The following CYRIB variants were observed in gnomAD, a reference collection of about 807,000 sequenced individuals.
The protein encoded by CYRIB is CYFIP-related Rac1 interactor B.
CYRIB carries 8 observed loss-of-function variants against 44.2 expected under a neutral mutation model. The observed-to-expected ratio is 0.18, with a 90% CI of 0.11 to 0.33. CYRIB has a LOEUF of 0.33. Among genes scored for constraint, CYRIB ranks in the 10% least tolerant of loss-of-function variants. CYRIB has a pLI of 1.00. For synonymous variants in CYRIB, 131 were observed against 127.2 expected (o/e 1.03, Z -0.20); for missense variants, 185 against 382.8 (o/e 0.48, Z 4.31).
chr8:129,981,993 T>C (rs1006671388), intron 1 of CYRIB, among the ~76,000 whole-genome samples: 1 of 152,234 alleles, frequency 6.6e-6, no homozygotes, highest in East Asian at 1.9e-4. Context: ...CCTCTTTGTG[T>C]CCTGGTACTG....
chr8:129,895,006 C>T (rs1025410301), intron 2 of CYRIB, among the ~76,000 whole-genome samples: 8 of 149,644 alleles, frequency 5.3e-5, no homozygotes, highest in Admixed American at 1.3e-4. Context: ...GGTGTGCTCA[C>T]GGCTCACTGC....
chr8:129,874,647 AC>A (rs749979914), intron 3 of CYRIB, among the ~76,000 whole-genome samples: 2 of 152,134 alleles, frequency 1.3e-5, no homozygotes, highest in Non-Finnish European at 2.9e-5. Context: ...ATGAGAGGGT[AC>A]AGAGACATAA....
At chr8:129,882,838 T>A (rs139201455) in intron 2 of CYRIB, among the ~76,000 whole-genome samples, 1 of 152,258 alleles carries the variant, frequency 6.6e-6, no homozygotes, top group Non-Finnish European at 1.5e-5. Context: ...GGTCCTGACC[T>A]ATTTGCTCTC....
intron 1 of CYRIB, among the ~76,000 whole-genome samples, chr8:129,919,340 G>C (rs1487275806): frequency 6.6e-6 from 1 of 152,144 alleles, no homozygotes; most frequent in Non-Finnish European, 1.5e-5. Flanking sequence ...TTGTCACATA[G>C]TGTTAAAAAC....
intron 6 of CYRIB, among the ~76,000 whole-genome samples, chr8:129,855,005 G>A (rs2045436955): frequency 6.6e-6 from 1 of 152,044 alleles, no homozygotes; most frequent in Admixed American, 6.5e-5. Flanking sequence ...AAGGAGGAAG[G>A]GAGAAAAAAG....
At chr8:129,964,984 G>A (rs2095416177) in intron 2 of CYRIB, among the ~76,000 whole-genome samples, 1 of 152,198 alleles carries the variant, frequency 6.6e-6, no homozygotes, top group Non-Finnish European at 1.5e-5. Context: ...TTATGGATGT[G>A]TGAGGACACC....
intron 1 of CYRIB, among the ~76,000 whole-genome samples, chr8:129,919,316 T>C (rs963659060): frequency 3.4e-4 from 51 of 152,222 alleles, no homozygotes; most frequent in African/African-American, 1.2e-3. Context: ...ATTTTAAGAC[T>C]ATGAAAAATA....
chr8:129,930,049 A>G (rs551092679), intron 1 of CYRIB, among the ~76,000 whole-genome samples: 27 of 152,016 alleles, frequency 1.8e-4, no homozygotes, highest in South Asian at 8.3e-4. Flanking sequence ...CATCTCTACT[A>G]AAAATACAAA....
At chr8:129,902,511 C>T (rs573733770) in intron 2 of CYRIB, among the ~76,000 whole-genome samples, 4 of 152,122 alleles carry the variant, frequency 2.6e-5, no homozygotes, top group Non-Finnish European at 4.4e-5. Flanking sequence ...TGAGCCACTG[C>T]GCCCACCCTT....
At chr8:129,898,138 C>CATT (rs2069160659) in intron 2 of CYRIB, among the ~76,000 whole-genome samples, 1 of 150,518 alleles carries the variant, frequency 6.6e-6, no homozygotes, top group African/African-American at 2.4e-5. Flanking sequence ...CCTTGTTAAA[C>CATT]ATTATAGGCT....
intron 11 of CYRIB, among the ~76,000 whole-genome samples, chr8:129,843,719 A>C (rs550857024): frequency 2.0e-5 from 3 of 152,346 alleles, no homozygotes; most frequent in Non-Finnish European, 4.4e-5. Flanking sequence ...CATCCTTTTC[A>C]GCAGGTCCAC....
At chr8:129,907,806 A>G (rs2076201134) in intron 1 of CYRIB, among the ~76,000 whole-genome samples, 1 of 152,120 alleles carries the variant, frequency 6.6e-6, no homozygotes, top group Non-Finnish European at 1.5e-5. Context: ...GTTTGAGACC[A>G]CCCTGGCCAA....
intron 1 of CYRIB, among the ~76,000 whole-genome samples, chr8:130,006,660 A>ATACATATATATG (rs1564801126): frequency 5.0e-4 from 26 of 51,844 alleles, no homozygotes; most frequent in African/African-American, 2.7e-3. Flanking sequence ...ACATATATAT[A>ATACATATATATG]TGTATATATA....
intron 1 of CYRIB, among the ~76,000 whole-genome samples, chr8:129,910,129 T>A (rs75008385): frequency 6.6e-6 from 1 of 152,278 alleles, no homozygotes; most frequent in African/African-American, 2.4e-5. Context: ...TGGGTTTATG[T>A]ACCAGGCAAC....
intron 1 of CYRIB, among the ~76,000 whole-genome samples, chr8:130,005,933 G>A (rs2097050075): frequency 6.6e-6 from 1 of 152,066 alleles, no homozygotes; most frequent in Non-Finnish European, 1.5e-5. Context: ...ACAACGGGCA[G>A]ATTACCCTTA....
intron 11 of CYRIB, among the ~76,000 whole-genome samples, chr8:129,842,763 T>C (rs1237112132): frequency 6.6e-6 from 1 of 152,264 alleles, no homozygotes; most frequent in African/African-American, 2.4e-5. Context: ...TTTCTTGTTA[T>C]GGTGGCAGAG....
upstream of CYRIB, chr8:130,016,869 C>G (rs1478435584): frequency 2.6e-5 from 4 of 152,174 alleles, no homozygotes; most frequent in Non-Finnish European, 5.9e-5. Flanking sequence ...GGGGTCATCG[C>G]CCTCATTGTG....
chr8:129,852,035 A>T, intron 8 of CYRIB, 127 bp downstream of exon 10: 1 of 501,638 alleles, frequency 2.0e-6, no homozygotes, highest in Non-Finnish European at 3.5e-6. Context: ...AAAAGTCAGG[A>T]CTCAACACAT....
chr8:129,876,894 A>T (rs2059304041), intron 3 of CYRIB, among the ~76,000 whole-genome samples: 1 of 152,242 alleles, frequency 6.6e-6, no homozygotes, highest in African/African-American at 2.4e-5. Context: ...TAATTACTCT[A>T]GCAAAAATAA....
Sources: allele counts gnomAD v4.1 joint callset (sites outside exome capture counted in the v4.1 genomes callset), GRCh38; gene constraint gnomAD v4.1.1; transcripts MANE v1.5; gene names NCBI Gene and HGNC (gene_info 2026-07-23, HGNC 2026-07-21).